The following ZNF710 variants were observed in gnomAD, a reference collection of about 807,000 sequenced individuals.
ZNF710 encodes zinc finger protein 710.
Under a neutral mutation model 50.6 loss-of-function variants are expected in ZNF710, and 13 were observed. The observed-to-expected ratio is 0.26, with a 90% CI of 0.17 to 0.41. The LOEUF (loss-of-function observed/expected upper bound fraction) is 0.41, where lower values mean the gene tolerates loss of function less well. Among genes scored for constraint, ZNF710 ranks in the 10% least tolerant of loss-of-function variants. The pLI is 1.00. For missense variants in ZNF710, 721 were observed against 936.6 expected (o/e 0.77, Z 3.01); for synonymous variants, 383 against 397.0 (o/e 0.96, Z 0.42).
At position 90,058,306 on chromosome 15, in the gene ZNF710, C is replaced by T. The variant is rs147651236; in HGVS notation, c.-28-8804C>T. ...CTTGATTCACCGGACAAGGTCAGGTCACTGAGAGTGTGCATCTGCTCTTGC... is the reference window on the plus strand; with the variant it reads ...CTTGATTCACCGGACAAGGTCAGGTTACTGAGAGTGTGCATCTGCTCTTGC... On this transcript the variant is annotated intron_variant, in intron 1 of 4. Coordinates refer to ENST00000268154, the MANE Select transcript of ZNF710 (RefSeq NM_198526.4). Among the ~76,000 whole-genome samples, 231 of 152,292 alleles carry T rather than the reference C, an allele frequency of 1.5e-3. 2 individuals carry two copies. The highest frequency in any genetic ancestry group is 5.4e-3 in the African/African-American group (223 of 41,554).
At chr15:90,077,680 C>T (rs973173848) in intron 4 of ZNF710, among the ~76,000 whole-genome samples, 3 of 152,166 alleles carry the variant, frequency 2.0e-5, no homozygotes, top group African/African-American at 4.8e-5. Flanking sequence ...CCGGAAGACT[C>T]ACAGTGGGTT....
At chr15:90,058,583 C>T (rs1162644591) in intron 1 of ZNF710, among the ~76,000 whole-genome samples, 1 of 152,050 alleles carries the variant, frequency 6.6e-6, no homozygotes, top group Non-Finnish European at 1.5e-5. Context: ...CCCTCTGTTC[C>T]TCTGCAGTCA....
At position 90,080,451 on chromosome 15, in the gene ZNF710, G is replaced by A. The variant is rs1900695224; in HGVS notation, c.*622G>A. 1 of 152,868 alleles carries A rather than the reference G, an allele frequency of 6.5e-6. No individual in the cohort carries two copies. The highest frequency in any genetic ancestry group is 2.4e-5 in the African/African-American group (1 of 41,478). The allele number at this position is 152,868 out of a possible 1,614,324, so 9.5% of individuals were successfully genotyped here. On this transcript the variant is annotated 3_prime_UTR_variant, in exon 5 of 5. Transcript: ENST00000268154. ...ACAGCTGGGGGGCACCCAGCCCCCA[G>A]AAGACCCCTGTCCTACATCCCTTTC... is the stretch of plus-strand genomic sequence containing the variant.
Position 90,034,973 on chromosome 15 carries a change from G to C in ZNF710, c.-28-32137G>C, listed in dbSNP as rs1899074464. Among the ~76,000 whole-genome samples the C allele has an allele frequency of 6.6e-6, 1 of 152,194 alleles. No individual in the cohort carries two copies. Among genetic ancestry groups the C allele is most frequent in the Non-Finnish European group, 1.5e-5 (1 of 68,048 alleles). ...CCCAGGGCTTCCCTGCTGGTAGAAG[G>C]GGTGTCTGGAGGGCCTCTGCCTTCC... On this transcript the variant is annotated intron_variant, in intron 1 of 4. Coordinates refer to ENST00000268154, the MANE Select transcript of ZNF710 (RefSeq NM_198526.4). This position sits in a 1 kb window ranked among gnomAD's most constrained non-coding sequence, Gnocchi z 4.0.
At chr15:90,036,263 TCTCC>T (rs1014064065) in intron 1 of ZNF710, among the ~76,000 whole-genome samples, 2 of 118,036 alleles carry the variant, frequency 1.7e-5, no homozygotes, top group Non-Finnish European at 3.3e-5. Context: ...TCTGTTTCTC[TCTCC>T]CTCTTTCCCT....
chr15:90,073,158 G>A lies in ZNF710; in HGVS notation c.1546G>A (p.Val516Ile), dbSNP rs376006225. ...GCGGCACATGCTGATCCACACCAGC[G>A]TCCGGCCCTACCAGTGCCACATCTG... is the stretch of plus-strand genomic sequence containing the variant. ...MKRHMLIHTS[V>I]RPYQCHICFK... Residue 516 changes from valine (V) to isoleucine (I), a missense_variant, in exon 3 of 5, where the codon GTC becomes ATC. Around this residue, in one of 3 missense-constraint regions of ZNF710, gnomAD observed 326 missense variants for 522.0 expected, o/e 0.62. Transcript: ENST00000268154. 32 of 1,614,018 alleles carry A rather than the reference G, an allele frequency of 2.0e-5. No individual in the cohort carries two copies. The highest frequency in any genetic ancestry group is 2.7e-5 in the African/African-American group (2 of 74,908).
In ZNF710 at chr15:90,001,482, A is replaced by AGGCGGCGGGCGCGCGTGGAGGCG. The variant is rs1158487940; in HGVS notation, c.-148_-126dup. 2 of 151,310 alleles carry AGGCGGCGGGCGCGCGTGGAGGCG rather than the reference A, an allele frequency of 1.3e-5. No individual in the cohort carries two copies. The highest frequency in any genetic ancestry group is 6.6e-5 in the Admixed American group (1 of 15,140). The allele number at this position is 151,310 out of a possible 1,614,324, so 9.4% of individuals were successfully genotyped here. On this transcript the variant is annotated 5_prime_UTR_variant, in exon 1 of 5. Coordinates refer to ENST00000268154, the MANE Select transcript of ZNF710 (RefSeq NM_198526.4). ...GAGCCGGAGGGAGGGCGGCAGGAGC[A>AGGCGGCGGGCGCGCGTGGAGGCG]GGCGGCGGGCGCGCGTGGAGGCGGG...
chr15:90,019,857 A>C (rs939885472), intron 1 of ZNF710, among the ~76,000 whole-genome samples: 1 of 152,192 alleles, frequency 6.6e-6, no homozygotes, highest in African/African-American at 2.4e-5. Flanking sequence ...TGAGGATTCC[A>C]GAGTCTGTCA....
intron 4 of ZNF710, chr15:90,075,332 G>A (rs1249067726): frequency 6.6e-6 from 1 of 152,240 alleles, no homozygotes; most frequent in Non-Finnish European, 1.5e-5. Context: ...ACCAAACCAG[G>A]CAACATAGTG....
intron 1 of ZNF710, among the ~76,000 whole-genome samples, chr15:90,045,002 C>T (rs1049833223): frequency 1.3e-5 from 2 of 152,180 alleles, no homozygotes. Flanking sequence ...TGCCTTTCTT[C>T]TGTTAGTCTG....
upstream of ZNF710, among the ~76,000 whole-genome samples, chr15:90,000,706 A>C (rs1386940506): frequency 6.6e-6 from 1 of 152,204 alleles, no homozygotes; most frequent in African/African-American, 2.4e-5. Flanking sequence ...ACATAAGTGA[A>C]GCACACACAC....
intron 1 of ZNF710, among the ~76,000 whole-genome samples, chr15:90,002,896 T>C (rs773040214): frequency 2.0e-5 from 3 of 152,156 alleles, no homozygotes; most frequent in Non-Finnish European, 2.9e-5. Context: ...TTTCTTGATA[T>C]GGAGTCTTGC....
chr15:90,030,319 A>C (rs1205809002), intron 1 of ZNF710, among the ~76,000 whole-genome samples: 1 of 104,016 alleles, frequency 9.6e-6, no homozygotes, highest in East Asian at 2.2e-4. Context: ...ACAAGAGCAA[A>C]ACTCCATCTC....
intron 1 of ZNF710, among the ~76,000 whole-genome samples, chr15:90,056,467 T>A (rs1899822245): frequency 6.6e-6 from 1 of 150,794 alleles, no homozygotes; most frequent in Non-Finnish European, 1.5e-5. Flanking sequence ...GGCCTTGGGG[T>A]CTTGGTTTCC....
At chr15:90,003,590 C>A (rs887697039) in intron 1 of ZNF710, among the ~76,000 whole-genome samples, 2 of 152,170 alleles carry the variant, frequency 1.3e-5, no homozygotes, top group Non-Finnish European at 1.5e-5. Flanking sequence ...AGAAGAAAAC[C>A]GTTCTTAACT....
intron 1 of ZNF710, among the ~76,000 whole-genome samples, chr15:90,030,843 C>T (rs1350505531): frequency 6.6e-6 from 1 of 151,782 alleles, no homozygotes; most frequent in Non-Finnish European, 1.5e-5. Flanking sequence ...GGTGAAACCC[C>T]GTCTCTACTT....
Position 90,074,545 on chromosome 15 carries a change from T to A in ZNF710, c.1825+255T>A, listed in dbSNP as rs147134867. 5 of 1,424,054 alleles carry A rather than the reference T, an allele frequency of 3.5e-6. No homozygotes were observed. The South Asian group carries it at 6.1e-5, about 17-fold the overall frequency. The allele number at this position is 1,424,054 out of a possible 1,614,324, so 88.2% of individuals were successfully genotyped here. A position where few individuals can be genotyped will look rare whatever the true frequency, so the allele number is the denominator to read the frequency against. ...ATCATAACTAACATTTATTGAGTGC[T>A]AACTGTGTGCCAGGCCTTTATTAAC... is the stretch of plus-strand genomic sequence containing the variant. On this transcript the variant is annotated intron_variant, in intron 4 of 4. Transcript: ENST00000268154.
At chr15:90,001,256 G>A (rs1283777941), upstream of ZNF710, 1 of 152,258 alleles carries the variant, frequency 6.6e-6, no homozygotes, top group Non-Finnish European at 1.5e-5. Flanking sequence ...CAAGAGGGAG[G>A]TGTTGGGGGT....
intron 1 of ZNF710, among the ~76,000 whole-genome samples, chr15:90,018,780 G>A (rs1193409162): frequency 6.6e-6 from 1 of 152,166 alleles, no homozygotes; most frequent in African/African-American, 2.4e-5. Flanking sequence ...GTCTTCCTGT[G>A]CTCAGTAGGG....
Sources: allele counts gnomAD v4.1 joint callset (sites outside exome capture counted in the v4.1 genomes callset), GRCh38; gene constraint gnomAD v4.1.1; regional missense constraint gnomAD v4.1.1; non-coding constraint Gnocchi (gnomAD v3.1); transcripts MANE v1.5; gene names NCBI Gene and HGNC (gene_info 2026-07-23, HGNC 2026-07-21).